CCNJL: variants seen among roughly 807,000 people sequenced by gnomAD.
CCNJL encodes cyclin-J-like protein.
Under a neutral mutation model 33.4 loss-of-function variants are expected in CCNJL, and 33 were observed. The observed-to-expected ratio is 0.99, with a 90% confidence interval of 0.75 to 1.32. The LOEUF (loss-of-function observed/expected upper bound fraction) is 1.32. Ranked by LOEUF, CCNJL falls within the 40% of genes most tolerant of loss-of-function variation. The pLI, the probability that CCNJL is intolerant of heterozygous loss-of-function variation, is 0.00. For missense variants in CCNJL, 512 were observed against 499.7 expected, an observed-to-expected ratio of 1.02 and a Z score of -0.23; for synonymous variants, 227 against 220.9, an observed-to-expected ratio of 1.03 and a Z score of -0.24.
At position 160,287,854 on chromosome 5, in the gene CCNJL, A is replaced by G. The variant is rs570482855; in HGVS notation, c.67-7116T>C. Among the ~76,000 whole-genome samples the G allele has an allele frequency of 7.9e-5, 12 of 151,688 alleles. No individual in the cohort carries two copies. The East Asian group carries it at 2.3e-3, about 30-fold the overall frequency. On this transcript the variant is annotated intron_variant, in intron 2 of 5. Transcript: ENST00000257536. ...ATGCCTGGCAGGGCCACAGGCGGTG[A>G]GAGTGTGGGCAGCAGAAAGGCTAGG... is the stretch of plus-strand genomic sequence containing the variant.
chr5:160,289,423 C>T (rs1166893275), intron 2 of CCNJL, among the ~76,000 whole-genome samples: 1 of 151,942 alleles, frequency 6.6e-6, no homozygotes, highest in Non-Finnish European at 1.5e-5. Context: ...CCCTTCCTCT[C>T]GGGACTCCCT....
intron 2 of CCNJL, among the ~76,000 whole-genome samples, chr5:160,293,600 C>A (rs1437792284): frequency 6.6e-6 from 1 of 152,122 alleles, no homozygotes; most frequent in Non-Finnish European, 1.5e-5. Context: ...TCTGTGCGCA[C>A]GCATGTCCAC....
intron 2 of CCNJL, among the ~76,000 whole-genome samples, chr5:160,311,506 T>C (rs370581301): frequency 6.6e-6 from 1 of 152,110 alleles, no homozygotes; most frequent in Non-Finnish European, 1.5e-5. Context: ...AAATTACACA[T>C]TAGAATGAAT....
intron 2 of CCNJL, among the ~76,000 whole-genome samples, chr5:160,297,513 C>T (rs1285565778): frequency 6.6e-6 from 1 of 151,966 alleles, no homozygotes; most frequent in Non-Finnish European, 1.5e-5. Context: ...CACTTCAGAG[C>T]CCGTCTTAAA....
At chr5:160,280,919 C>CT (rs757452852) in intron 2 of CCNJL, 181 bp from the exon 3 acceptor site, 1 of 697,554 alleles carries the variant, frequency 1.4e-6, no homozygotes, top group South Asian at 1.5e-5. Flanking sequence ...TCTGCTTTCA[C>CT]TAAGCACAGG....
intron 1 of CCNJL, among the ~76,000 whole-genome samples, chr5:160,326,486 CAAA>C (rs11461365): frequency 2.6e-4 from 15 of 57,646 alleles, no homozygotes; most frequent in African/African-American, 5.4e-4. Flanking sequence ...ACTCTGTCTC[CAAA>C]AAAAAAAAAA....
At chr5:160,270,090 T>C (rs10073029) in intron 3 of CCNJL, among the ~76,000 whole-genome samples, 122,864 of 151,892 alleles carry the variant, frequency 0.81, 49,859 homozygotes, top group African/African-American at 0.87. Context: ...GCTGGTGGAC[T>C]GCTTGAGCAC....
chr5:160,303,083 CAATT>C (rs1254865872), intron 2 of CCNJL, among the ~76,000 whole-genome samples: 6 of 152,050 alleles, frequency 3.9e-5, no homozygotes, highest in Admixed American at 6.6e-5. Context: ...TCTAAACAAA[CAATT>C]GATTGTTTCT....
chr5:160,305,226 G>C (rs1338805984), intron 2 of CCNJL, among the ~76,000 whole-genome samples: 6 of 152,116 alleles, frequency 3.9e-5, no homozygotes, highest in Non-Finnish European at 8.8e-5. Flanking sequence ...AGAAATAAAA[G>C]GACGTGCAAG....
intron 1 of CCNJL, among the ~76,000 whole-genome samples, chr5:160,334,930 TG>T (rs539605478): frequency 6.6e-6 from 1 of 152,246 alleles, no homozygotes; most frequent in South Asian, 2.1e-4. Flanking sequence ...CACACTGTTG[TG>T]CAACCATCAC....
At chr5:160,293,624 A>G (rs991440126) in intron 2 of CCNJL, among the ~76,000 whole-genome samples, 3 of 151,972 alleles carry the variant, frequency 2.0e-5, no homozygotes, top group Non-Finnish European at 2.9e-5. Context: ...TCTCTCTCTC[A>G]TGGGACTATC....
rs111881185 is a variant in CCNJL at position 160,339,030 on chromosome 5, A to T, written n.206+415T>A. Among the ~76,000 whole-genome samples, 1,407 of 152,018 alleles carry T rather than the reference A, an allele frequency of 9.3e-3. 18 individuals carry two copies. Among genetic ancestry groups the T allele is most frequent in the African/African-American group, 0.032 (1,315 of 41,456 alleles). ...TCTCGAACTCCTGACCTTGTGATCC[A>T]CCCACCTCGGACTCCCAAAGTGCTG... On this transcript the variant is annotated intron_variant and non_coding_transcript_variant, in intron 1 of 7. Transcript: ENST00000377503.
chr5:160,301,433 ATG>A (rs1467656815), intron 2 of CCNJL, among the ~76,000 whole-genome samples: 3 of 149,476 alleles, frequency 2.0e-5, no homozygotes. Context: ...GCAATGGCCT[ATG>A]TCTTTTTTTT....
At chr5:160,337,378 A>G (rs1763696389) in intron 1 of CCNJL, among the ~76,000 whole-genome samples, 1 of 152,006 alleles carries the variant, frequency 6.6e-6, no homozygotes, top group South Asian at 2.1e-4. Flanking sequence ...CTCACAGTCT[A>G]TTCTCAAATA....
chr5:160,274,471 A>G (rs770877563), intron 3 of CCNJL, among the ~76,000 whole-genome samples: 1 of 151,938 alleles, frequency 6.6e-6, no homozygotes, highest in Non-Finnish European at 1.5e-5. Flanking sequence ...AAAAAAAAAC[A>G]ATCTGTAGTA....
chr5:160,338,763 T>TTTTAA (rs1763713308), intron 1 of CCNJL, among the ~76,000 whole-genome samples: 1 of 149,872 alleles, frequency 6.7e-6, no homozygotes, highest in Non-Finnish European at 1.5e-5. Flanking sequence ...TCAGTAACTG[T>TTTTAA]ATTCATCCTA....
At chr5:160,302,924 C>T (rs1762969241) in intron 2 of CCNJL, among the ~76,000 whole-genome samples, 1 of 152,130 alleles carries the variant, frequency 6.6e-6, no homozygotes, top group Admixed American at 6.5e-5. Context: ...TTTATGCTTT[C>T]TTATGCACAG....
intron 2 of CCNJL, among the ~76,000 whole-genome samples, chr5:160,309,097 A>G (rs1763184854): frequency 6.6e-6 from 1 of 152,218 alleles, no homozygotes; most frequent in Non-Finnish European, 1.5e-5. Context: ...CGCAGTGGTA[A>G]GGACTGGGAA....
chr5:160,332,660 C>T (rs1265545746), intron 1 of CCNJL, among the ~76,000 whole-genome samples: 6 of 152,198 alleles, frequency 3.9e-5, no homozygotes, highest in East Asian at 3.9e-4. Context: ...TCTTCCCAGC[C>T]CCACATATCT....
Sources: allele counts gnomAD v4.1 joint callset (sites outside exome capture counted in the v4.1 genomes callset), GRCh38; gene constraint gnomAD v4.1.1; transcripts MANE v1.5; gene names NCBI Gene and HGNC (gene_info 2026-07-23, HGNC 2026-07-21).